ZZZ3: variants seen among roughly 807,000 people sequenced by gnomAD.
ZZZ3 encodes the protein ZZ-type zinc finger-containing protein 3.
In ZZZ3, 22 loss-of-function variants were observed where a neutral mutation model predicts 95.2. That is an observed-to-expected ratio of 0.23 (90% CI 0.17 to 0.33). ZZZ3 has a LOEUF of 0.33. Ranked by LOEUF, ZZZ3 falls within the 10% of genes least tolerant of loss-of-function variation. The pLI is 1.00. For synonymous variants in ZZZ3, 335 were observed against 358.9 expected, an observed-to-expected ratio of 0.93 and a Z score of 0.75; for missense variants, 885 against 1,066.5, an observed-to-expected ratio of 0.83 and a Z score of 2.37.
chr1:77,640,374 G>A (rs189271046), intron 3 of ZZZ3, among the ~76,000 whole-genome samples: 1 of 152,196 alleles, frequency 6.6e-6, no homozygotes, highest in African/African-American at 2.4e-5. Flanking sequence ...GCCAAGACAG[G>A]TGGATCACAA....
chr1:77,649,280 G>C (rs924463852), intron 1 of ZZZ3, among the ~76,000 whole-genome samples: 3 of 150,156 alleles, frequency 2.0e-5, no homozygotes, highest in African/African-American at 7.4e-5. Flanking sequence ...GGCACAGAGA[G>C]AAAAATAAGA....
intron 10 of ZZZ3, among the ~76,000 whole-genome samples, chr1:77,579,183 C>T (rs1035669798): frequency 1.3e-5 from 2 of 152,126 alleles, no homozygotes; most frequent in African/African-American, 4.8e-5. Flanking sequence ...CTGCAAGATA[C>T]ATTTTTAGAA....
intron 5 of ZZZ3, among the ~76,000 whole-genome samples, chr1:77,590,404 A>G (rs957528572): frequency 6.6e-6 from 1 of 152,218 alleles, no homozygotes; most frequent in African/African-American, 2.4e-5. Flanking sequence ...CAGCTATTTT[A>G]CAATAGGAGT....
chr1:77,566,559 AC>A (rs1660851677), intron 13 of ZZZ3, among the ~76,000 whole-genome samples: 1 of 152,192 alleles, frequency 6.6e-6, no homozygotes, highest in Non-Finnish European at 1.5e-5. Context: ...GAGAGTTAAT[AC>A]CATAGTTAAA....
At chr1:77,570,680 T>TA (rs1433343555) in intron 12 of ZZZ3, among the ~76,000 whole-genome samples, 18 of 150,100 alleles carry the variant, frequency 1.2e-4, no homozygotes, top group South Asian at 8.4e-4. Flanking sequence ...TTATTATTAT[T>TA]TTTTTGAGAG....
intron 1 of ZZZ3, among the ~76,000 whole-genome samples, chr1:77,663,402 T>A (rs1399047399): frequency 6.6e-6 from 1 of 152,166 alleles, no homozygotes; most frequent in African/African-American, 2.4e-5. Context: ...ATTACAGCCC[T>A]GCATTACCTG....
intron 1 of ZZZ3, among the ~76,000 whole-genome samples, chr1:77,670,664 T>G (rs1186817765): frequency 6.6e-6 from 1 of 151,400 alleles, no homozygotes; most frequent in African/African-American, 2.4e-5. Context: ...TTTGGATGGA[T>G]AACAACACCT....
At chr1:77,592,414 T>C (rs1663797432) in intron 5 of ZZZ3, among the ~76,000 whole-genome samples, 1 of 152,174 alleles carries the variant, frequency 6.6e-6, no homozygotes, top group African/African-American at 2.4e-5. Flanking sequence ...GTGATTCTCC[T>C]GCCTCAGCCT....
chr1:77,616,723 G>A (rs1170698786), intron 5 of ZZZ3, among the ~76,000 whole-genome samples: 1 of 152,046 alleles, frequency 6.6e-6, no homozygotes, highest in Non-Finnish European at 1.5e-5. Context: ...AAAATTAGCC[G>A]GGGGTGGTGG....
chr1:77,585,366 G>T (rs1325547131), intron 5 of ZZZ3, among the ~76,000 whole-genome samples: 1 of 152,178 alleles, frequency 6.6e-6, no homozygotes, highest in African/African-American at 2.4e-5. Flanking sequence ...TCATTATCCT[G>T]AAATCTCACT....
intron 1 of ZZZ3, among the ~76,000 whole-genome samples, chr1:77,671,573 A>C (rs1374525346): frequency 6.6e-6 from 1 of 152,198 alleles, no homozygotes; most frequent in East Asian, 1.9e-4. Context: ...ACACCGAGCA[A>C]GATATGAAAC....
intron 11 of ZZZ3, among the ~76,000 whole-genome samples, chr1:77,576,525 C>T (rs937195243): frequency 3.6e-4 from 55 of 152,248 alleles, no homozygotes; most frequent in Middle Eastern, 3.4e-3. Flanking sequence ...GCTGGCTGCA[C>T]TGAATTCTTA....
chr1:77,566,306 A>C, intron 13 of ZZZ3, 125 bp from the exon 14 acceptor site: 1 of 610,960 alleles, frequency 1.6e-6, no homozygotes, highest in Non-Finnish European at 2.8e-6. Flanking sequence ...ACAGGACAGT[A>C]ATATAACACA....
intron 5 of ZZZ3, among the ~76,000 whole-genome samples, chr1:77,596,518 C>A (rs1664226754): frequency 6.6e-6 from 1 of 151,904 alleles, no homozygotes; most frequent in African/African-American, 2.4e-5. Flanking sequence ...TTAATGTATA[C>A]AAATTTTTTA....
intron 4 of ZZZ3, among the ~76,000 whole-genome samples, chr1:77,638,070 A>T (rs930151727): frequency 6.6e-6 from 1 of 152,190 alleles, no homozygotes; most frequent in Non-Finnish European, 1.5e-5. Context: ...TTATCTACCA[A>T]ATAATGAATG....
At chr1:77,571,020 T>C (rs1041240030) in intron 12 of ZZZ3, among the ~76,000 whole-genome samples, 1 of 151,998 alleles carries the variant, frequency 6.6e-6, no homozygotes. Context: ...TGATTGTTAT[T>C]ACCATACTAT....
At chr1:77,614,105 G>A (rs7546605) in intron 5 of ZZZ3, among the ~76,000 whole-genome samples, 7,983 of 152,214 alleles carry the variant, frequency 0.052, 310 homozygotes, top group African/African-American at 0.11. Flanking sequence ...TGACACTAAT[G>A]TAAAATATTT....
intron 1 of ZZZ3, among the ~76,000 whole-genome samples, chr1:77,680,042 C>A (rs1672604403): frequency 6.6e-6 from 1 of 152,168 alleles, no homozygotes; most frequent in Admixed American, 6.5e-5. Context: ...TTTGCAAAGG[C>A]CATTGTAGAA....
At chr1:77,611,083 C>G (rs2100730486) in intron 5 of ZZZ3, among the ~76,000 whole-genome samples, 1 of 151,532 alleles carries the variant, frequency 6.6e-6, no homozygotes, top group Admixed American at 6.6e-5. Context: ...AAGACTCTAC[C>G]CAAAACACTT....
Sources: allele counts gnomAD v4.1 joint callset (sites outside exome capture counted in the v4.1 genomes callset), GRCh38; gene constraint gnomAD v4.1.1; transcripts MANE v1.5; gene names NCBI Gene and HGNC (gene_info 2026-07-23, HGNC 2026-07-21).